NYAP2: variants seen among roughly 807,000 people sequenced by gnomAD.
NYAP2 encodes the protein neuronal tyrosine-phosphorylated phosphoinositide-3-kinase adapter 2.
Under a neutral mutation model 50.4 loss-of-function variants are expected in NYAP2, and 23 were observed. That is an observed-to-expected ratio of 0.46 (90% CI 0.33 to 0.65). The LOEUF (loss-of-function observed/expected upper bound fraction) is 0.65, where lower values mean the gene tolerates loss of function less well. Ranked by LOEUF, NYAP2 falls within the 30% of genes least tolerant of loss-of-function variation. NYAP2 has a pLI of 0.02. For missense variants in NYAP2, 885 were observed against 861.0 expected, an observed-to-expected ratio of 1.03 and a Z score of -0.35; for synonymous variants, 394 against 365.2, an observed-to-expected ratio of 1.08 and a Z score of -0.90.
At chr2:225,526,109 C>T (rs926846396) in intron 4 of NYAP2, among the ~76,000 whole-genome samples, 4 of 152,202 alleles carry the variant, frequency 2.6e-5, no homozygotes, top group African/African-American at 9.7e-5. Context: ...TGGCTGCTAC[C>T]TTTATTTGAG....
chr2:225,590,582 A>C lies in NYAP2; in HGVS notation c.1618+7547A>C, dbSNP rs558497049. 1.8e-4 allele frequency among the ~76,000 whole-genome samples: 27 copies of C among 152,350 alleles called. No homozygotes were observed. The East Asian group carries it at 5.2e-3, about 29-fold the overall frequency. On this transcript the variant is annotated intron_variant, in intron 5 of 6. Coordinates refer to ENST00000636099, the Ensembl canonical transcript of NYAP2. ...ACAATAACTTGGGGACATATGGTTA[A>C]ATGTGAGCATCACCATTGACTTGTA... is the stretch of plus-strand genomic sequence containing the variant.
chr2:225,456,791 G>T (rs1689745865), intron 3 of NYAP2, among the ~76,000 whole-genome samples: 2 of 152,106 alleles, frequency 1.3e-5, no homozygotes, highest in South Asian at 4.2e-4. Context: ...GCAGCTGCAG[G>T]CATACCCCAG....
chr2:225,589,550 C>T (rs1292826241), intron 5 of NYAP2, among the ~76,000 whole-genome samples: 2 of 55,764 alleles, frequency 3.6e-5, no homozygotes, highest in Non-Finnish European at 7.9e-5. Flanking sequence ...TATTTAATAG[C>T]TGGGTGTGGT....
At chr2:225,527,362 A>C (rs944103756) in intron 4 of NYAP2, among the ~76,000 whole-genome samples, 27 of 152,234 alleles carry the variant, frequency 1.8e-4, no homozygotes, top group Non-Finnish European at 3.2e-4. Flanking sequence ...ATTAGTTCAC[A>C]GTTTCCTTGG....
intron 4 of NYAP2, among the ~76,000 whole-genome samples, chr2:225,521,608 A>C (rs1486198307): frequency 6.6e-6 from 1 of 152,044 alleles, no homozygotes; most frequent in Non-Finnish European, 1.5e-5. Flanking sequence ...CCAGCCTTGC[A>C]TCCCAGGGAT....
the NYAP2 span, among the ~76,000 whole-genome samples, chr2:225,683,588 G>A: frequency 6.6e-6 from 1 of 152,114 alleles, no homozygotes; most frequent in Admixed American, 6.6e-5. Context: ...AGACACCAAT[G>A]GAATCCCTGG....
intron 4 of NYAP2, among the ~76,000 whole-genome samples, chr2:225,518,010 C>T (rs1322015085): frequency 6.6e-6 from 1 of 152,100 alleles, no homozygotes; most frequent in Non-Finnish European, 1.5e-5. Flanking sequence ...GAAGAGACAT[C>T]TTTACTCTCA....
intron 3 of NYAP2, among the ~76,000 whole-genome samples, chr2:225,413,662 A>T (rs1344651968): frequency 6.6e-6 from 1 of 152,206 alleles, no homozygotes; most frequent in Non-Finnish European, 1.5e-5. Context: ...GATTCCAGGG[A>T]TGGTGAAAGA....
chr2:225,674,869 G>A, the NYAP2 span, among the ~76,000 whole-genome samples: 3 of 152,008 alleles, frequency 2.0e-5, no homozygotes, highest in Non-Finnish European at 4.4e-5. Context: ...ATTTGAAAAG[G>A]GGGTGTATTT....
chr2:225,644,469 A>T (rs1693592970), intron 6 of NYAP2, among the ~76,000 whole-genome samples: 1 of 150,764 alleles, frequency 6.6e-6, no homozygotes, highest in Non-Finnish European at 1.5e-5. Context: ...GTCAATTTTG[A>T]CTTTTGTTGC....
chr2:225,624,484 CA>C (rs1693174509), intron 5 of NYAP2, among the ~76,000 whole-genome samples: 1 of 152,142 alleles, frequency 6.6e-6, no homozygotes, highest in South Asian at 2.1e-4. Flanking sequence ...CCAATTTTTA[CA>C]TGGGTGGTTG....
intron 6 of NYAP2, among the ~76,000 whole-genome samples, chr2:225,635,077 C>T (rs1693387993): frequency 6.6e-6 from 1 of 152,204 alleles, no homozygotes; most frequent in South Asian, 2.1e-4. Context: ...TGCTGATAAA[C>T]TTCCTGACAG....
exon 3 of NYAP2, chr2:225,409,042 C>A (rs1212916300): frequency 6.2e-7 from 1 of 1,611,912 alleles, no homozygotes; most frequent in Non-Finnish European, 8.5e-7. Flanking sequence ...ATGAAACTAA[C>A]CTAGCCTATT....
intron 6 of NYAP2, among the ~76,000 whole-genome samples, chr2:225,632,695 G>A (rs544565978): frequency 7.9e-5 from 12 of 152,282 alleles, no homozygotes; most frequent in African/African-American, 2.6e-4. Flanking sequence ...ATAGGAAAGC[G>A]TGAGGAGATT....
At chr2:225,487,903 C>G (rs1258092968) in intron 3 of NYAP2, among the ~76,000 whole-genome samples, 1 of 152,188 alleles carries the variant, frequency 6.6e-6, no homozygotes, top group Non-Finnish European at 1.5e-5. Context: ...ATCCTCTATT[C>G]GCTTTCTCTA....
intron 3 of NYAP2, among the ~76,000 whole-genome samples, chr2:225,421,357 G>C (rs1199851011): frequency 6.6e-6 from 1 of 152,112 alleles, no homozygotes; most frequent in Non-Finnish European, 1.5e-5. Context: ...CATTTGTCAA[G>C]CAAATTTTTT....
chr2:225,629,873 C>T (rs1693278180), intron 6 of NYAP2, among the ~76,000 whole-genome samples: 1 of 152,284 alleles, frequency 6.6e-6, no homozygotes, highest in East Asian at 1.9e-4. Context: ...CCCAACACTG[C>T]TGCATTGGGG....
chr2:225,673,568 T>C, the NYAP2 span, among the ~76,000 whole-genome samples: 1 of 152,176 alleles, frequency 6.6e-6, no homozygotes, highest in South Asian at 2.1e-4. Context: ...CTTTGGATTA[T>C]TGCTGTGCAT....
At chr2:225,526,810 A>G (rs1409428802) in intron 4 of NYAP2, among the ~76,000 whole-genome samples, 2 of 152,160 alleles carry the variant, frequency 1.3e-5, no homozygotes, top group Non-Finnish European at 2.9e-5. Context: ...ATAGTGTTCT[A>G]ATGTGTATTC....
Sources: allele counts gnomAD v4.1 joint callset (sites outside exome capture counted in the v4.1 genomes callset), GRCh38; gene constraint gnomAD v4.1.1; transcripts MANE v1.5; gene names NCBI Gene and HGNC (gene_info 2026-07-23, HGNC 2026-07-21).